RORA: variants seen among roughly 807,000 people sequenced by gnomAD.
RORA encodes nuclear receptor ROR-alpha.
A neutral mutation model predicts 69.5 loss-of-function variants in RORA; 7 were observed. The observed-to-expected ratio is 0.10, with a 90% CI of 0.06 to 0.19. The LOEUF is 0.19. Ranked by LOEUF, RORA falls within the 10% of genes least tolerant of loss-of-function variation. RORA has a pLI of 1.00. For missense variants in RORA, 457 were observed against 663.0 expected (o/e 0.69, Z 3.41); for synonymous variants, 261 against 240.8 (o/e 1.08, Z -0.78).
At chr15:60,874,731 A>G (rs28589424) in intron 1 of RORA, among the ~76,000 whole-genome samples, 1,896 of 152,326 alleles carry the variant, frequency 0.012, 45 homozygotes, top group African/African-American at 0.043. Flanking sequence ...GAAAAAGGAC[A>G]TCCACTTATT....
intron 1 of RORA, among the ~76,000 whole-genome samples, chr15:61,222,797 GA>G (rs1259286785): frequency 6.6e-6 from 1 of 152,106 alleles, no homozygotes; most frequent in Non-Finnish European, 1.5e-5. Flanking sequence ...TGGGGCAATC[GA>G]AATGTTCTTT....
intron 1 of RORA, among the ~76,000 whole-genome samples, chr15:60,779,892 T>C (rs1393472920): frequency 1.3e-5 from 2 of 152,170 alleles, no homozygotes; most frequent in Non-Finnish European, 1.5e-5. Flanking sequence ...TTGCCTCAAC[T>C]CGAAGGGTGG....
At chr15:60,930,466 A>C (rs1423426335) in intron 1 of RORA, among the ~76,000 whole-genome samples, 1 of 152,190 alleles carries the variant, frequency 6.6e-6, no homozygotes, top group East Asian at 1.9e-4. Context: ...CAGGGAGGGA[A>C]GACAAATATA....
intron 1 of RORA, among the ~76,000 whole-genome samples, chr15:61,192,184 C>A (rs779910240): frequency 6.6e-6 from 1 of 152,236 alleles, no homozygotes; most frequent in South Asian, 2.1e-4. Context: ...GTGAATAATG[C>A]GGAGGACTTG....
intron 1 of RORA, among the ~76,000 whole-genome samples, chr15:60,717,558 T>C (rs960362515): frequency 1.3e-5 from 2 of 152,202 alleles, no homozygotes; most frequent in African/African-American, 2.4e-5. Context: ...CAGTAAGTTA[T>C]AAAACCTTTA....
intron 2 of RORA, among the ~76,000 whole-genome samples, chr15:60,603,907 G>A (rs957489211): frequency 6.6e-6 from 1 of 152,028 alleles, no homozygotes; most frequent in African/African-American, 2.4e-5. Context: ...GGCTGAGGTG[G>A]GTGGATCACC....
chr15:61,099,921 T>C (rs2078852458), intron 1 of RORA, among the ~76,000 whole-genome samples: 1 of 152,240 alleles, frequency 6.6e-6, no homozygotes, highest in South Asian at 2.1e-4. Flanking sequence ...GTGAAGACAG[T>C]TCTAAAATAG....
At chr15:60,519,263 C>T (rs544428373) in intron 3 of RORA, among the ~76,000 whole-genome samples, 1 of 152,092 alleles carries the variant, frequency 6.6e-6, no homozygotes, top group South Asian at 2.1e-4. Flanking sequence ...TAAAACAGCA[C>T]TGACTTCATA....
intron 1 of RORA, among the ~76,000 whole-genome samples, chr15:60,713,580 T>C (rs959800406): frequency 1.3e-5 from 2 of 152,074 alleles, no homozygotes; most frequent in African/African-American, 4.8e-5. Context: ...CACTTTTCTC[T>C]CCTCCTCAAC....
At chr15:60,966,459 G>A (rs1376381957) in intron 1 of RORA, among the ~76,000 whole-genome samples, 1 of 152,144 alleles carries the variant, frequency 6.6e-6, no homozygotes. Flanking sequence ...AAACTTAATG[G>A]CTAGTTGACT....
At chr15:60,585,311 A>G (rs1227992026) in intron 2 of RORA, among the ~76,000 whole-genome samples, 1 of 152,240 alleles carries the variant, frequency 6.6e-6, no homozygotes, top group Admixed American at 6.5e-5. Flanking sequence ...AAATATGCAA[A>G]TGAATGCTTG....
intron 1 of RORA, among the ~76,000 whole-genome samples, chr15:60,682,950 T>G (rs935126139): frequency 6.6e-6 from 1 of 152,214 alleles, no homozygotes; most frequent in African/African-American, 2.4e-5. Flanking sequence ...GGTGGATGAC[T>G]TGGGCAAATA....
At chr15:60,842,850 A>G (rs987123429) in intron 1 of RORA, among the ~76,000 whole-genome samples, 1 of 152,178 alleles carries the variant, frequency 6.6e-6, no homozygotes, top group Non-Finnish European at 1.5e-5. Context: ...TAAAGAAGAC[A>G]CGCAGCCCAG....
At chr15:60,561,537 C>T (rs1217073050) in intron 2 of RORA, among the ~76,000 whole-genome samples, 1 of 152,096 alleles carries the variant, frequency 6.6e-6, no homozygotes, top group African/African-American at 2.4e-5. Context: ...TCCAGGAACA[C>T]ATGAGGAAGA....
intron 1 of RORA, among the ~76,000 whole-genome samples, chr15:60,694,791 T>C (rs1016998084): frequency 1.1e-4 from 16 of 152,188 alleles, no homozygotes; most frequent in African/African-American, 3.9e-4. Flanking sequence ...AATCAACCCA[T>C]ATGCAGCGAG....
chr15:60,700,681 C>T (rs747068433), intron 1 of RORA, among the ~76,000 whole-genome samples: 22 of 152,202 alleles, frequency 1.4e-4, no homozygotes, highest in Non-Finnish European at 2.6e-4. Flanking sequence ...AGAAAGGCAC[C>T]TGGCTTCTCA....
At chr15:61,051,207 G>A (rs896913889) in intron 1 of RORA, among the ~76,000 whole-genome samples, 3 of 152,218 alleles carry the variant, frequency 2.0e-5, no homozygotes, top group African/African-American at 7.2e-5. Flanking sequence ...AGGGTAGACA[G>A]AAGGTGATAC....
At chr15:61,021,106 C>T (rs1347840228) in intron 1 of RORA, among the ~76,000 whole-genome samples, 1 of 152,176 alleles carries the variant, frequency 6.6e-6, no homozygotes, top group East Asian at 1.9e-4. Flanking sequence ...GTAGCAGCTG[C>T]GGCAAGCACC....
rs566508788 is a variant in RORA at position 60,711,247 on chromosome 15, T to C, written c.167-32561A>G. ...CACTTTCCCTGGAACTAGTCACTCATGGACACTCTGCACTCCTACTTCTAA... is the reference window on the plus strand; with the variant it reads ...CACTTTCCCTGGAACTAGTCACTCACGGACACTCTGCACTCCTACTTCTAA... On this transcript the variant is annotated intron_variant, in intron 1 of 10. Coordinates refer to ENST00000335670, the MANE Select transcript of RORA (RefSeq NM_134261.3). Among the ~76,000 whole-genome samples, 7 of 152,290 alleles carry C rather than the reference T, an allele frequency of 4.6e-5. No individual in the cohort carries two copies. The South Asian group carries it at 1.5e-3, about 32-fold the overall frequency.
Sources: allele counts gnomAD v4.1 joint callset (sites outside exome capture counted in the v4.1 genomes callset), GRCh38; gene constraint gnomAD v4.1.1; transcripts MANE v1.5; gene names NCBI Gene and HGNC (gene_info 2026-07-23, HGNC 2026-07-21).